The following GRB10 variants were observed in gnomAD, a reference collection of about 807,000 sequenced individuals.
GRB10 encodes the protein growth factor receptor bound protein 10.
Under a neutral mutation model 80.9 loss-of-function variants are expected in GRB10, and 20 were observed. The ratio of observed to expected loss-of-function variants is 0.25; its 90% confidence interval spans 0.17 to 0.36. The LOEUF is 0.36. Ranked by LOEUF, GRB10 falls within the 10% of genes least tolerant of loss-of-function variation. The probability of loss-of-function intolerance (pLI) is 1.00; values close to 1 mark genes in which losing one functional copy is unlikely to be tolerated. For synonymous variants in GRB10, 291 were observed against 291.5 expected, an observed-to-expected ratio of 1.00 and a Z score of 0.02; for missense variants, 548 against 747.7, an observed-to-expected ratio of 0.73 and a Z score of 3.12.
intron 7 of GRB10, among the ~76,000 whole-genome samples, chr7:50,656,465 G>A (rs866952667): frequency 3.9e-5 from 6 of 152,222 alleles, no homozygotes; most frequent in Admixed American, 6.5e-5. Context: ...CTATGCAAAC[G>A]CCACTAGACT....
At chr7:50,749,134 GTTTT>G (rs11405172) in intron 3 of GRB10, among the ~76,000 whole-genome samples, 1 of 137,906 alleles carries the variant, frequency 7.3e-6, no homozygotes, top group African/African-American at 2.6e-5. Flanking sequence ...TTTTTTGTTT[GTTTT>G]TTTTTTTTGA....
At chr7:50,617,358 T>C (rs553459086) in intron 10 of GRB10, among the ~76,000 whole-genome samples, 1 of 152,348 alleles carries the variant, frequency 6.6e-6, no homozygotes, top group South Asian at 2.1e-4. Flanking sequence ...TAATGTCACC[T>C]GGATCTTGTT....
At chr7:50,645,820 C>T (rs1292598013) in intron 7 of GRB10, among the ~76,000 whole-genome samples, 1 of 152,172 alleles carries the variant, frequency 6.6e-6, no homozygotes, top group Admixed American at 6.5e-5. Context: ...TCACCAGAGC[C>T]CCAGTGGTGC....
At chr7:50,726,857 TCTC>T (rs1287249364) in intron 4 of GRB10, 1 of 152,212 alleles carries the variant, frequency 6.6e-6, no homozygotes, top group Non-Finnish European at 1.5e-5. Context: ...AAAAACTTGT[TCTC>T]CTCAGTCTCA....
At chr7:50,693,075 G>T (rs1196196159) in intron 5 of GRB10, among the ~76,000 whole-genome samples, 11 of 152,090 alleles carry the variant, frequency 7.2e-5, no homozygotes, top group Admixed American at 7.2e-4. Flanking sequence ...ACATGCAAAC[G>T]AAGAATCTAA....
chr7:50,704,301 A>AAAC, intron 4 of GRB10, among the ~76,000 whole-genome samples: 1 of 152,368 alleles, frequency 6.6e-6, no homozygotes, highest in South Asian at 2.1e-4. Context: ...CCTGGGACAG[A>AAAC]AACATCTAGA....
At chr7:50,708,068 A>G (rs1476884245) in intron 4 of GRB10, among the ~76,000 whole-genome samples, 3 of 152,264 alleles carry the variant, frequency 2.0e-5, no homozygotes, top group African/African-American at 7.2e-5. Flanking sequence ...ATTTTTTGGT[A>G]TAAGTATGTG....
intron 3 of GRB10, among the ~76,000 whole-genome samples, chr7:50,742,271 G>GCGCACACACACA (rs1189043181): frequency 4.3e-5 from 2 of 46,866 alleles, no homozygotes; most frequent in Non-Finnish European, 1.0e-4. Flanking sequence ...ACGCGCGCGC[G>GCGCACACACACA]CACACACACA....
chr7:50,756,347 G>A (rs768939021), intron 2 of GRB10, among the ~76,000 whole-genome samples: 10 of 152,270 alleles, frequency 6.6e-5, no homozygotes, highest in East Asian at 1.9e-4. Context: ...CAAGGCAGGC[G>A]GGGTACAAAG....
chr7:50,598,236 A>G (rs149393106), intron 17 of GRB10, among the ~76,000 whole-genome samples: 2 of 152,336 alleles, frequency 1.3e-5, no homozygotes, highest in African/African-American at 2.4e-5. Context: ...GCATGATCAC[A>G]CGCAATACAA....
At chr7:50,673,536 A>T (rs1277398936) in intron 6 of GRB10, among the ~76,000 whole-genome samples, 1 of 152,126 alleles carries the variant, frequency 6.6e-6, no homozygotes, top group African/African-American at 2.4e-5. Flanking sequence ...AAGTGCTGGC[A>T]AAACGCAGCT....
intron 7 of GRB10, among the ~76,000 whole-genome samples, chr7:50,630,188 G>C (rs1264883154): frequency 2.0e-5 from 3 of 152,186 alleles, no homozygotes; most frequent in Non-Finnish European, 4.4e-5. Flanking sequence ...GCAAAACACT[G>C]CTTAATCAAT....
At chr7:50,653,319 C>T (rs1332248982) in intron 7 of GRB10, among the ~76,000 whole-genome samples, 1 of 152,104 alleles carries the variant, frequency 6.6e-6, no homozygotes, top group East Asian at 1.9e-4. Flanking sequence ...CCCATGAAGC[C>T]GGGAACAGCC....
At chr7:50,740,809 T>A in intron 3 of GRB10, among the ~76,000 whole-genome samples, 1 of 148,122 alleles carries the variant, frequency 6.8e-6, no homozygotes, top group Non-Finnish European at 1.5e-5. Context: ...TTCAAAATAA[T>A]ATTCAAAACC....
chr7:50,606,934 T>C (rs2048658889), intron 13 of GRB10: 1 of 172,656 alleles, frequency 5.8e-6, no homozygotes, highest in Non-Finnish European at 1.3e-5. Flanking sequence ...CTTTTCTCTG[T>C]TCTTGGGCGC....
chr7:50,785,990 G>C (rs889054239), upstream of GRB10, among the ~76,000 whole-genome samples: 4 of 152,224 alleles, frequency 2.6e-5, no homozygotes, highest in African/African-American at 9.6e-5. Flanking sequence ...GGGAGAGGCT[G>C]TGCGTGTGTG....
chr7:50,669,966 G>A, intron 6 of GRB10, 103 bp from the exon 7 acceptor site: 2 of 1,392,530 alleles, frequency 1.4e-6, no homozygotes, highest in Non-Finnish European at 2.0e-6. Flanking sequence ...AGGGCTTCTA[G>A]GAGTCACTGG....
chr7:50,621,293 G>A (rs1563184872), intron 8 of GRB10, among the ~76,000 whole-genome samples: 1 of 152,254 alleles, frequency 6.6e-6, no homozygotes, highest in Non-Finnish European at 1.5e-5. Flanking sequence ...AGGGCTTGGT[G>A]CCCTGGCAAA....
At chr7:50,697,965 A>T (rs1189373970) in intron 5 of GRB10, among the ~76,000 whole-genome samples, 1 of 152,216 alleles carries the variant, frequency 6.6e-6, no homozygotes, top group Non-Finnish European at 1.5e-5. Flanking sequence ...CACTTAAAAG[A>T]AGGATCTGTG....
Sources: gnomAD v4.1 joint callset for allele counts (sites outside exome capture counted in the v4.1 genomes callset) on GRCh38, gnomAD v4.1.1 for gene constraint, MANE v1.5 for transcripts, NCBI Gene and HGNC (gene_info 2026-07-23, HGNC 2026-07-21) for gene names.